The following TRAK1 variants were observed in gnomAD, a reference collection of about 807,000 sequenced individuals.
TRAK1 encodes trafficking kinesin-binding protein 1.
A neutral mutation model predicts 92.1 loss-of-function variants in TRAK1; 33 were observed. The observed-to-expected ratio is 0.36, with a 90% CI of 0.27 to 0.48. The LOEUF (loss-of-function observed/expected upper bound fraction) is 0.48. Ranked by LOEUF, TRAK1 falls within the 20% of genes least tolerant of loss-of-function variation. TRAK1 has a pLI of 0.99. For missense variants in TRAK1, 1,123 were observed against 1,257.9 expected, an observed-to-expected ratio of 0.89 and a Z score of 1.62; for synonymous variants, 521 against 517.3, an observed-to-expected ratio of 1.01 and a Z score of -0.10.
chr3:42,168,974 C>T (rs1392810809), intron 2 of TRAK1, among the ~76,000 whole-genome samples: 1 of 152,128 alleles, frequency 6.6e-6, no homozygotes, highest in Non-Finnish European at 1.5e-5. Flanking sequence ...AAGGCATGTG[C>T]CACCATGCCC....
At chr3:42,073,635 G>T (rs1384419968) in intron 1 of TRAK1, among the ~76,000 whole-genome samples, 5 of 152,164 alleles carry the variant, frequency 3.3e-5, no homozygotes, top group African/African-American at 1.2e-4. Flanking sequence ...GGCGGATAAC[G>T]GCTTCTTGAC....
chr3:42,148,868 T>G (rs1382022077), intron 2 of TRAK1, among the ~76,000 whole-genome samples: 1 of 152,176 alleles, frequency 6.6e-6, no homozygotes, highest in Non-Finnish European at 1.5e-5. Context: ...AAGTAATGAT[T>G]TGCAGATTTT....
At chr3:42,148,211 C>T (rs971739545) in intron 2 of TRAK1, among the ~76,000 whole-genome samples, 1 of 152,148 alleles carries the variant, frequency 6.6e-6, no homozygotes, top group African/African-American at 2.4e-5. Context: ...TTTTGGTTGT[C>T]ACATCTTGGG....
chr3:42,212,543 A>G, intron 14 of TRAK1: 5 of 980,736 alleles, frequency 5.1e-6, no homozygotes, highest in Non-Finnish European at 6.1e-6. Context: ...GATTTTTACA[A>G]TCCCATGTCT....
chr3:42,018,781 AAAT>A (rs1701622149), intron 1 of TRAK1, among the ~76,000 whole-genome samples: 1 of 152,240 alleles, frequency 6.6e-6, no homozygotes, highest in African/African-American at 2.4e-5. Context: ...AACTATTAGC[AAAT>A]CCTATCTTCC....
In TRAK1 at chr3:42,147,198, A is replaced by T. The variant is rs141813819; in HGVS notation, c.286+21584A>T. Among the ~76,000 whole-genome samples, 10 of 152,334 alleles carry T rather than the reference A, an allele frequency of 6.6e-5. No individual in the cohort carries two copies. In the East Asian group the frequency reaches 1.9e-3, roughly 29 times the overall value. Reference sequence around the variant, plus strand: ...TAGCAGGGGCAGTTATAAGAAAGGAATTAAAATCATTTCTGCTGACTTTAA... The same window carrying T: ...TAGCAGGGGCAGTTATAAGAAAGGATTTAAAATCATTTCTGCTGACTTTAA... On this transcript the variant is annotated intron_variant, in intron 2 of 15. Transcript: ENST00000327628.
At chr3:42,094,255 G>A (rs892698929) in intron 1 of TRAK1, among the ~76,000 whole-genome samples, 3 of 152,138 alleles carry the variant, frequency 2.0e-5, no homozygotes, top group Admixed American at 1.3e-4. Context: ...GTGAGTCTGG[G>A]ACTCATGGCC....
upstream of TRAK1, among the ~76,000 whole-genome samples, chr3:42,089,609 A>G (rs1365387601): frequency 2.0e-5 from 3 of 151,898 alleles, no homozygotes; most frequent in African/African-American, 7.3e-5. Context: ...GGATTGCCTT[A>G]ACTCCAGATA....
intron 1 of TRAK1, among the ~76,000 whole-genome samples, chr3:42,064,343 T>A (rs182037593): frequency 1.4e-3 from 198 of 145,248 alleles, no homozygotes; most frequent in African/African-American, 4.7e-3. Context: ...CGGTCTCAAA[T>A]GAATAAATAA....
At chr3:42,217,725 C>A in intron 14 of TRAK1, 1 of 985,398 alleles carries the variant, frequency 1.0e-6, no homozygotes, top group Non-Finnish European at 1.2e-6. Flanking sequence ...CCCCTCTCCT[C>A]CTTCCCAAAT....
intron 1 of TRAK1, among the ~76,000 whole-genome samples, chr3:42,024,762 C>T (rs1056638518): frequency 6.6e-6 from 1 of 152,156 alleles, no homozygotes; most frequent in African/African-American, 2.4e-5. Context: ...TATTGTGTTA[C>T]CAAGCCTGAG....
intron 2 of TRAK1, among the ~76,000 whole-genome samples, chr3:42,166,025 T>A (rs1701822500): frequency 6.6e-6 from 1 of 152,116 alleles, no homozygotes; most frequent in African/African-American, 2.4e-5. Flanking sequence ...TTGTATCATC[T>A]GAGCTGCCTA....
intron 1 of TRAK1, among the ~76,000 whole-genome samples, chr3:42,032,633 T>A (rs1702189503): frequency 6.6e-6 from 1 of 152,244 alleles, no homozygotes; most frequent in South Asian, 2.1e-4. Flanking sequence ...GCAACAAGAC[T>A]ATTGTCATAT....
intron 14 of TRAK1, chr3:42,211,539 C>T: frequency 2.0e-6 from 2 of 985,424 alleles, no homozygotes; most frequent in Non-Finnish European, 2.4e-6. Flanking sequence ...AACATGATGC[C>T]TGGCTGATTT....
At chr3:42,093,206 G>GT (rs539895918) in intron 1 of TRAK1, among the ~76,000 whole-genome samples, 3,991 of 147,978 alleles carry the variant, frequency 0.027, 103 homozygotes, top group South Asian at 0.15. Flanking sequence ...TAATTTAGAA[G>GT]TTTTTTTTTT....
At chr3:42,113,043 T>C (rs1488636979) in intron 1 of TRAK1, among the ~76,000 whole-genome samples, 1 of 151,848 alleles carries the variant, frequency 6.6e-6, no homozygotes, top group Non-Finnish European at 1.5e-5. Flanking sequence ...AGTGCTGGGA[T>C]TACAGGCATG....
chr3:42,025,715 T>C (rs1685542750), intron 1 of TRAK1, among the ~76,000 whole-genome samples: 1 of 152,234 alleles, frequency 6.6e-6, no homozygotes, highest in East Asian at 1.9e-4. Context: ...CTTCTCTTGC[T>C]GGCTGCCTTC....
At chr3:42,072,329 C>A (rs138567548) in intron 1 of TRAK1, among the ~76,000 whole-genome samples, 2 of 152,114 alleles carry the variant, frequency 1.3e-5, no homozygotes, top group Non-Finnish European at 2.9e-5. Flanking sequence ...CTTCACTGGA[C>A]CTGGGCCAGC....
chr3:42,035,894 C>G (rs1385454598), intron 1 of TRAK1, among the ~76,000 whole-genome samples: 2 of 152,236 alleles, frequency 1.3e-5, no homozygotes, highest in Admixed American at 6.5e-5. Context: ...CTGCCCACCC[C>G]CAAACCCTAC....
Sources: gnomAD v4.1 joint callset for allele counts (sites outside exome capture counted in the v4.1 genomes callset) on GRCh38, gnomAD v4.1.1 for gene constraint, MANE v1.5 for transcripts, NCBI Gene and HGNC (gene_info 2026-07-23, HGNC 2026-07-21) for gene names.